GON4L: variants seen among roughly 807,000 people sequenced by gnomAD.
GON4L encodes the protein gon-4 like.
A neutral mutation model predicts 211.8 loss-of-function variants in GON4L; 87 were observed. The observed-to-expected ratio is 0.41, with a 90% CI of 0.35 to 0.49. The LOEUF (loss-of-function observed/expected upper bound fraction) is 0.49, where lower values mean the gene tolerates loss of function less well. Among genes scored for constraint, GON4L ranks in the 20% least tolerant of loss-of-function variants. The pLI is 0.15. For synonymous variants in GON4L, 875 were observed against 962.6 expected (o/e 0.91, Z 1.68); for missense variants, 2,155 against 2,659.5 (o/e 0.81, Z 4.17).
At chr1:155,791,254 C>A (rs964174983) in intron 12 of GON4L, among the ~76,000 whole-genome samples, 6 of 151,950 alleles carry the variant, frequency 3.9e-5, no homozygotes, top group African/African-American at 7.2e-5. Context: ...AAGAGTGAGA[C>A]TTCGTCTCAA....
intron 2 of GON4L, among the ~76,000 whole-genome samples, chr1:155,838,470 C>A (rs1346550066): frequency 6.6e-6 from 1 of 151,962 alleles, no homozygotes; most frequent in East Asian, 1.9e-4. Flanking sequence ...TGAATAATGA[C>A]CAATTTTGTC....
rs1557827657 is a variant in GON4L, at chr1:155,760,429, T to C, written c.5109+15A>G. The stretch of plus-strand genomic sequence containing the variant: ...CCCAGGAGTCCCAGTGTACTTTTTT[T>C]CCCCATTCACTTACTAATCCACAGG... On this transcript the variant is annotated intron_variant, in intron 24 of 31. Transcript: ENST00000368331. 3.2e-6 allele frequency: 5 copies of C among 1,551,482 alleles called. No homozygotes were observed. Among genetic ancestry groups the C allele is most frequent in the Admixed American group, 1.7e-5 (1 of 57,200 alleles).
rs756015284 is a variant in GON4L at position 155,757,014 on chromosome 1, G to A, written c.5461C>T (p.Pro1821Ser). 21 of 1,613,524 alleles carry A rather than the reference G, an allele frequency of 1.3e-5. No individual in the cohort carries two copies. Among genetic ancestry groups the A allele is most frequent in the East Asian group, 2.2e-5 (1 of 44,896 alleles). Residue 1821 changes from proline to serine, a missense_variant, in exon 27 of 32, where the codon CCC becomes TCC. Transcript: ENST00000368331. ...VEEEEEPPKI[P>S]TASKNKRKKE... The stretch of plus-strand genomic sequence containing the variant: ...TTCCTCTTGTTCTTTGAGGCTGTGG[G>A]TATCTTGGGAGGCTCCTCCTCTTCT...
chr1:155,764,019 CA>C (rs1291363188), intron 21 of GON4L, among the ~76,000 whole-genome samples: 3 of 32,410 alleles, frequency 9.3e-5, no homozygotes, highest in South Asian at 2.2e-3. Context: ...AAAACAAAAA[CA>C]AACAAAAAAA....
chr1:155,843,580 C>G (rs916726000), intron 2 of GON4L, among the ~76,000 whole-genome samples: 1 of 152,150 alleles, frequency 6.6e-6, no homozygotes, highest in Admixed American at 6.6e-5. Flanking sequence ...GACAATGACA[C>G]AGAGACAGAA....
intron 2 of GON4L, among the ~76,000 whole-genome samples, chr1:155,828,837 A>T (rs1047689033): frequency 6.6e-6 from 1 of 151,232 alleles, no homozygotes; most frequent in African/African-American, 2.4e-5. Flanking sequence ...AATGGTAAAC[A>T]TCAGAAATCA....
chr1:155,849,927 TAAA>T (rs1242940902), intron 2 of GON4L, among the ~76,000 whole-genome samples: 1 of 147,766 alleles, frequency 6.8e-6, no homozygotes, highest in Non-Finnish European at 1.5e-5. Context: ...TTTTTTCCAG[TAAA>T]AACACCTAAA....
chr1:155,814,398 T>C lies in GON4L; in HGVS notation c.1213A>G (p.Lys405Glu). 6.2e-7 allele frequency: 1 copy of C among 1,613,410 alleles called. No homozygotes were observed. Among genetic ancestry groups the C allele is most frequent in the Non-Finnish European group, 8.5e-7 (1 of 1,179,332 alleles). The change falls in exon 9 of 32, where the codon AAG becomes GAG. Residue 405 changes from lysine (K) to glutamate (E), a missense_variant. Around this residue, in one of 6 missense-constraint regions of GON4L, gnomAD observed 551 missense variants for 854.0 expected, o/e 0.65. Coordinates refer to ENST00000368331, the MANE Select transcript of GON4L (RefSeq NM_001282860.2). ...ESTASSPRGA[K>E]KSRLRQSSEM... ...GAAGACTGCCTCAATCTGGATTTCT[T>C]TGCCCCACGTGGAGATGAAGCAGTG... is the stretch of plus-strand genomic sequence containing the variant.
chr1:155,803,720 A>G (rs754424842), intron 11 of GON4L, among the ~76,000 whole-genome samples: 2 of 152,204 alleles, frequency 1.3e-5, no homozygotes, highest in Non-Finnish European at 2.9e-5. Context: ...GTACCAAGAG[A>G]CTGGGCATGA....
rs922513743 is a variant in GON4L at position 155,756,723 on chromosome 1, G to A, written c.5517+235C>T. 17 of 449,530 alleles carry A rather than the reference G, an allele frequency of 3.8e-5. No individual in the cohort carries two copies. In the Admixed American group the frequency reaches 3.8e-4, roughly 10 times the overall value. 27.8% of individuals were successfully genotyped at this position (449,530 alleles called of 1,614,324 possible). A position where few individuals can be genotyped will look rare whatever the true frequency, so the allele number is the denominator to read the frequency against. ...GTGGATCACTTGAGGTAAGGAGTTC[G>A]AGACCAGCCTGGCCAACATAGTGAA... On this transcript the variant is annotated intron_variant, in intron 27 of 31. Transcript: ENST00000368331.
chr1:155,785,261 A>C, intron 13 of GON4L, 73 bp downstream of exon 13: 1 of 960,462 alleles, frequency 1.0e-6, no homozygotes, highest in Non-Finnish European at 1.7e-6. Flanking sequence ...GGAGCATCAC[A>C]GAGACCAAAT....
At chr1:155,801,742 G>T (rs1214216098) in intron 11 of GON4L, among the ~76,000 whole-genome samples, 1 of 152,034 alleles carries the variant, frequency 6.6e-6, no homozygotes, top group Non-Finnish European at 1.5e-5. Context: ...GATTAGCCAG[G>T]CAAGGTGGCA....
intron 2 of GON4L, among the ~76,000 whole-genome samples, chr1:155,841,072 C>T (rs988432028): frequency 6.6e-6 from 1 of 152,168 alleles, no homozygotes; most frequent in Non-Finnish European, 1.5e-5. Flanking sequence ...GACACAGGGA[C>T]AAGCTTGTAT....
At chr1:155,756,786 G>A (rs910979200) in intron 27 of GON4L, 172 bp downstream of exon 27, 60 of 582,458 alleles carry the variant, frequency 1.0e-4, no homozygotes, top group South Asian at 4.9e-4. Context: ...TTTGCTGGGC[G>A]TGGTGGCTGG....
chr1:155,763,235 T>C (rs770861338), intron 22 of GON4L, 77 bp downstream of exon 22: 18 of 1,410,184 alleles, frequency 1.3e-5, no homozygotes, highest in Non-Finnish European at 1.8e-5. Context: ...GTTTATAAGC[T>C]ACCCACCCTG....
At chr1:155,749,300 A>C, downstream of GON4L, 1 of 1,612,298 alleles carries the variant, frequency 6.2e-7, no homozygotes, top group Non-Finnish European at 8.5e-7. Flanking sequence ...CCACAGACTA[A>C]TGGTGGTTTT....
chr1:155,811,693 T>C (rs1372101396), intron 10 of GON4L, among the ~76,000 whole-genome samples: 3 of 108,820 alleles, frequency 2.8e-5, no homozygotes, highest in Admixed American at 1.1e-4. Context: ...GAAGTGGAGG[T>C]TGCAGTGACC....
chr1:155,822,230 A>G, intron 4 of GON4L, 56 bp downstream of exon 4: 1 of 1,393,544 alleles, frequency 7.2e-7, no homozygotes, highest in Non-Finnish European at 1.0e-6. Context: ...ACATTTTTAT[A>G]TGCTTTCCAT....
chr1:155,808,413 CT>C (rs1350843664), intron 10 of GON4L, among the ~76,000 whole-genome samples: 1 of 152,142 alleles, frequency 6.6e-6, no homozygotes, highest in Non-Finnish European at 1.5e-5. Context: ...TAGCTCTTGC[CT>C]TGCTCTCTGA....
Sources: allele counts gnomAD v4.1 joint callset (sites outside exome capture counted in the v4.1 genomes callset), GRCh38; gene constraint gnomAD v4.1.1; regional missense constraint gnomAD v4.1.1; transcripts MANE v1.5; gene names NCBI Gene and HGNC (gene_info 2026-07-23, HGNC 2026-07-21).